Variants in CMYA5 observed in about 807,000 individuals in gnomAD.
CMYA5 encodes the protein cardiomyopathy-associated protein 5.
In CMYA5, 246 loss-of-function variants were observed where a neutral mutation model predicts 318.9. That is an observed-to-expected ratio of 0.77 (90% confidence interval 0.70 to 0.86). The LOEUF is 0.86. CMYA5 is among the 40% of genes least tolerant of loss of function. The probability of loss-of-function intolerance (pLI) is 0.00; values close to 1 mark genes in which losing one functional copy is unlikely to be tolerated. For missense variants in CMYA5, 4,589 were observed against 4,678.2 expected, an observed-to-expected ratio of 0.98 and a Z score of 0.56; for synonymous variants, 1,641 against 1,729.5, an observed-to-expected ratio of 0.95 and a Z score of 1.27.
chr5:79,733,767 GT>G lies in CMYA5; in HGVS notation c.5006del (p.Leu1669Ter). 6.2e-7 allele frequency: 1 copy of G among 1,613,416 alleles called. No homozygotes were observed. The highest frequency in any genetic ancestry group is 8.5e-7 in the Non-Finnish European group (1 of 1,179,726). ...KSPITETEDS[V>X]LEKGPAELRS... ...TCCCATAACTGAAACAGAGGATTCT[GT>G]TTTAGAAAAAGGCCCAGCTGAGCTT... On this transcript the variant is annotated frameshift_variant, in exon 2 of 13. Transcript: ENST00000446378. LOFTEE classifies it high-confidence loss of function.
chr5:79,758,890 C>G lies in CMYA5; in HGVS notation c.11248C>G (p.Gln3750Glu), dbSNP rs374540188. 2.5e-5 allele frequency: 40 copies of G among 1,584,144 alleles called. No homozygotes were observed. In the African/African-American group the frequency reaches 4.5e-4, roughly 18 times the overall value. Residue 3750 changes from glutamine (Q) to glutamate (E), a missense_variant, in exon 7 of 13, where the codon CAA (glutamine) becomes GAA (glutamate). Gln to Glu is a conservative substitution (Grantham distance 29, BLOSUM62 2). Coordinates refer to ENST00000446378, the MANE Select transcript of CMYA5 (RefSeq NM_153610.5). Reference sequence around the variant, plus strand: ...CTGCATGGAGGAGCCACAAGATGATCAAGAAGTAAATGGTAGGATTGCTAA... The same window carrying G: ...CTGCATGGAGGAGCCACAAGATGATGAAGAAGTAAATGGTAGGATTGCTAA... ...VYCMEEPQDD[Q>E]EVNELVEEYR...
In CMYA5 at chr5:79,743,856, A is replaced by G; in HGVS notation, c.10668A>G (p.Leu3556=). The G allele has an allele frequency of 6.5e-7, 1 of 1,545,998 alleles. No individual in the cohort carries two copies. The highest frequency in any genetic ancestry group is 8.8e-7 in the Non-Finnish European group (1 of 1,141,932). The change falls in exon 3 of 13, where the codon TTA becomes TTG. Residue 3556 remains leucine, a synonymous_variant. Coordinates refer to ENST00000446378, the MANE Select transcript of CMYA5 (RefSeq NM_153610.5). ...AATTAGCAGAATTTCTAGAAAATTT[A>G]CAAGAAAAGTCCTTGAGGATTGAAG... The part of the protein sequence containing the change: ...KVQLAEFLEN[L]QEKSLRIEAF...
At chr5:79,754,559 G>A (rs7708055) in intron 6 of CMYA5, among the ~76,000 whole-genome samples, 99 of 152,262 alleles carry the variant, frequency 6.5e-4, no homozygotes, top group African/African-American at 2.3e-3. Context: ...GCCCCACAGC[G>A]AAAAGGCAGA....
In CMYA5 at chr5:79,730,243, T is replaced by C; in HGVS notation, c.1478T>C (p.Ile493Thr). Residue 493 changes from isoleucine to threonine, a missense_variant, in exon 2 of 13, where the codon ATT becomes ACT. Physicochemically the swap from Ile to Thr is moderately conservative, Grantham distance 89. Coordinates refer to ENST00000446378, the MANE Select transcript of CMYA5 (RefSeq NM_153610.5). ...GAGGAAAACATGCTTGAGCCATCCA[T>C]TTCTCTTTCTGAACCTCTAATGTTA... is the stretch of plus-strand genomic sequence containing the variant. ...EKEENMLEPS[I>T]SLSEPLMLEE... 6.2e-7 allele frequency: 1 copy of C among 1,613,958 alleles called. No individual in the cohort carries two copies. The highest frequency in any genetic ancestry group is 1.1e-5 in the South Asian group (1 of 91,082).
At chr5:79,766,099 A>T (rs982873854) in intron 9 of CMYA5, among the ~76,000 whole-genome samples, 1 of 151,366 alleles carries the variant, frequency 6.6e-6, no homozygotes, top group East Asian at 1.9e-4. Context: ...AGTTTGTTTT[A>T]TTTATTTATT....
rs1278198651 is a variant in CMYA5 at position 79,733,308 on chromosome 5, A to G, written c.4543A>G (p.Ser1515Gly). ...SERLVSSQKK[S>G]LMSTSEVLEP... ...ACGTTTGGTTTCATCACAGAAGAAG[A>G]GCTTGATGTCTACCTCAGAGGTGTT... Residue 1515 changes from serine (S) to glycine (G), a missense_variant, in exon 2 of 13, where the codon AGC becomes GGC. Ser to Gly is a moderately conservative substitution (Grantham distance 56, BLOSUM62 0). Transcript: ENST00000446378. 7 of 1,613,610 alleles carry G rather than the reference A, an allele frequency of 4.3e-6. No homozygotes were observed. The highest frequency in any genetic ancestry group is 5.1e-6 in the Non-Finnish European group (6 of 1,179,824).
chr5:79,720,716 G>A (rs560410923), intron 1 of CMYA5, among the ~76,000 whole-genome samples: 25 of 152,180 alleles, frequency 1.6e-4, no homozygotes, highest in Non-Finnish European at 1.8e-4. Flanking sequence ...GATTACAGGC[G>A]TGAGCCACCA....
At chr5:79,785,018 C>CTTA (rs1345349670) in intron 9 of CMYA5, among the ~76,000 whole-genome samples, 316 of 141,762 alleles carry the variant, frequency 2.2e-3, no homozygotes, top group African/African-American at 7.9e-3. Context: ...GGAAATCCTA[C>CTTA]TTTTTTTTTT....
intron 1 of CMYA5, among the ~76,000 whole-genome samples, chr5:79,721,656 G>C (rs879699843): frequency 1.3e-5 from 2 of 151,964 alleles, no homozygotes; most frequent in Non-Finnish European, 2.9e-5. Flanking sequence ...AAGATAGCTG[G>C]CATAATGCTA....
intron 6 of CMYA5, among the ~76,000 whole-genome samples, chr5:79,753,154 A>G (rs1189443792): frequency 1.3e-5 from 2 of 151,992 alleles, no homozygotes; most frequent in South Asian, 2.1e-4. Flanking sequence ...AAGAAGTCAA[A>G]TGTTTTCCTA....
In CMYA5 at chr5:79,731,622, T is replaced by C. The variant is rs746207181; in HGVS notation, c.2857T>C (p.Ser953Pro). The change falls in exon 2 of 13, where the codon TCA (serine) becomes CCA (proline). Residue 953 changes from serine to proline, a missense_variant. Around this residue, in one of 3 missense-constraint regions of CMYA5, gnomAD observed 2,132 missense variants for 2,131.3 expected, o/e 1.00. Transcript: ENST00000446378. The stretch of plus-strand genomic sequence containing the variant: ...TTTTTCTCCAGATTCTGCATTTGTG[T>C]CAGAATTCTCATTTCCACCGTATGC... ...GPFSPDSAFV[S>P]EFSFPPYATQ... 1.9e-6 allele frequency: 3 copies of C among 1,613,784 alleles called. No homozygotes were observed. The highest frequency in any genetic ancestry group is 2.2e-5 in the East Asian group (1 of 44,890).
chr5:79,750,734 C>T (rs909632256), intron 5 of CMYA5, among the ~76,000 whole-genome samples: 13 of 151,920 alleles, frequency 8.6e-5, no homozygotes, highest in African/African-American at 2.7e-4. Context: ...TTTTTTTCTC[C>T]GTTTTGCTCT....
intron 2 of CMYA5, among the ~76,000 whole-genome samples, chr5:79,741,710 G>A (rs1051843991): frequency 6.6e-6 from 1 of 152,114 alleles, no homozygotes; most frequent in Non-Finnish European, 1.5e-5. Flanking sequence ...CCAGCAGAAA[G>A]AAGACTGAAT....
intron 1 of CMYA5, among the ~76,000 whole-genome samples, chr5:79,705,659 T>A (rs1351694468): frequency 6.6e-6 from 1 of 152,184 alleles, no homozygotes. Context: ...TAACACCAAC[T>A]TAAGCATATA....
Position 79,770,261 on chromosome 5 carries a change from A to G in CMYA5, c.11555+7052A>G, listed in dbSNP as rs541235865. The stretch of plus-strand genomic sequence containing the variant: ...GGCTCCTTGGGGGTGGGATCCACTG[A>G]GCTAGACCACTTGGCTCCCTGGCTT... On this transcript the variant is annotated intron_variant, in intron 9 of 12. Coordinates refer to ENST00000446378, the MANE Select transcript of CMYA5 (RefSeq NM_153610.5). 3.2e-3 allele frequency among the ~76,000 whole-genome samples: 480 copies of G among 152,110 alleles called. 1 individual carries two copies. Among genetic ancestry groups the G allele is most frequent in the African/African-American group, 0.011 (457 of 41,492 alleles).
intron 2 of CMYA5, among the ~76,000 whole-genome samples, chr5:79,740,225 C>T (rs74508059): frequency 0.052 from 7,887 of 152,250 alleles, 387 homozygotes; most frequent in East Asian, 0.25. Flanking sequence ...AACCAGTCCT[C>T]TGCAGATATT....
At chr5:79,767,491 T>C (rs1490355700) in intron 9 of CMYA5, among the ~76,000 whole-genome samples, 1 of 152,236 alleles carries the variant, frequency 6.6e-6, no homozygotes, top group Non-Finnish European at 1.5e-5. Context: ...CCAGAGATTC[T>C]GCTATGTTGT....
At chr5:79,722,124 C>T (rs934291673) in intron 1 of CMYA5, among the ~76,000 whole-genome samples, 1 of 152,038 alleles carries the variant, frequency 6.6e-6, no homozygotes, top group Non-Finnish European at 1.5e-5. Context: ...TCTCTGATCA[C>T]AATGCAATTA....
chr5:79,799,871 A>ATTCCCCG lies in CMYA5; in HGVS notation c.*255_*256insTTCCCCG. 5.4e-6 allele frequency: 1 copy of ATTCCCCG among 186,868 alleles called. No homozygotes were observed. 11.6% of individuals were successfully genotyped at this position (186,868 alleles called of 1,614,324 possible). ...ATAAGTTTGAGTTCTTTCCTAAATTAAAAGATCTACACTTGAGTTGGGAAC... is the reference window on the plus strand; with the variant it reads ...ATAAGTTTGAGTTCTTTCCTAAATTATTCCCCGAAAGATCTACACTTGAGTTGGGAAC... On this transcript the variant is annotated 3_prime_UTR_variant, in exon 13 of 13. Transcript: ENST00000446378.
Sources: allele counts gnomAD v4.1 joint callset (sites outside exome capture counted in the v4.1 genomes callset), GRCh38; gene constraint gnomAD v4.1.1; regional missense constraint gnomAD v4.1.1; transcripts MANE v1.5; gene names NCBI Gene and HGNC (gene_info 2026-07-23, HGNC 2026-07-21).